XG: variants seen among roughly 807,000 people sequenced by gnomAD.
XG encodes Xg glycoprotein (Xg blood group), also known as glycoprotein Xg.
XG carries 24 observed loss-of-function variants against 25.7 expected under a neutral mutation model. The ratio of observed to expected loss-of-function variants is 0.93; its 90% CI spans 0.68 to 1.31. The LOEUF (loss-of-function observed/expected upper bound fraction) is 1.31, where lower values mean the gene tolerates loss of function less well. Among genes scored for constraint, XG ranks in the 40% most tolerant of loss-of-function variants. The probability of loss-of-function intolerance (pLI) is 0.00; values close to 1 mark genes in which losing one functional copy is unlikely to be tolerated. For missense variants in XG, 181 were observed against 187.6 expected, an observed-to-expected ratio of 0.96 and a Z score of 0.21; for synonymous variants, 77 against 69.2, an observed-to-expected ratio of 1.11 and a Z score of -0.56.
intron 2 of XG, among the ~76,000 whole-genome samples, chrX:2,773,506 G>A (rs2050881482): frequency 1.4e-5 from 2 of 142,384 alleles, no homozygotes; most frequent in Non-Finnish European, 3.1e-5. Flanking sequence ...AAGGAGAGAA[G>A]GAAGGAAGGA....
In XG at chrX:2,782,089, C is replaced by T. The variant is rs1434155030; in HGVS notation, c.151C>T (p.Pro51Ser). The change falls in exon 4 of 11, where the codon CCT (proline) becomes TCT (serine). Residue 51 changes from proline to serine, a missense_variant. Transcript: ENST00000644266. ...AGATATCTACCCAAAGCCAAAACCA[C>T]CTTACTACCCACAGCCCGAGAATCC... ...NSDIYPKPKP[P>S]YYPQPENPDS... The T allele has an allele frequency of 1.7e-6, 2 of 1,211,820 alleles. No individual in the cohort carries two copies. The highest frequency in any genetic ancestry group is 1.1e-6 in the Non-Finnish European group (1 of 895,492).
chrX:2,774,691 A>T (rs1380795324), intron 2 of XG, 25 bp from the exon 3 acceptor site: 2 of 1,613,746 alleles, frequency 1.2e-6, no homozygotes, highest in South Asian at 2.2e-5. Context: ...TGCATATTGC[A>T]TTTATTTTCT....
intron 1 of XG, among the ~76,000 whole-genome samples, chrX:2,764,301 G>A (rs1309461577): frequency 2.0e-5 from 3 of 152,156 alleles, no homozygotes; most frequent in Non-Finnish European, 2.9e-5. Flanking sequence ...GGGCTGCTCC[G>A]TCTATGGAGG....
intron 5 of XG, among the ~76,000 whole-genome samples, chrX:2,790,662 G>C (rs1005069841): frequency 1.8e-5 from 2 of 111,199 alleles, no homozygotes; most frequent in Non-Finnish European, 3.8e-5. Flanking sequence ...TAGCTGGGCA[G>C]AGTGACGCGT....
Position 2,758,550 on chromosome X carries a change from T to A in XG, c.61+6215T>A, listed in dbSNP as rs34277863. On this transcript the variant is annotated intron_variant, in intron 1 of 10. Coordinates refer to ENST00000644266, the MANE Select transcript of XG (RefSeq NM_001141919.2). Reference sequence around the variant, plus strand: ...ATTCGGTGATGTGTCATTCACTCTATGCAGGCCCAAGGTGACACCCCCAGA... The same window carrying A: ...ATTCGGTGATGTGTCATTCACTCTAAGCAGGCCCAAGGTGACACCCCCAGA... Among the ~76,000 whole-genome samples, 362 of 152,362 alleles carry A rather than the reference T, an allele frequency of 2.4e-3. 1 individual carries two copies. Among genetic ancestry groups the A allele is most frequent in the Non-Finnish European group, 3.3e-3 (227 of 68,028 alleles).
chrX:2,773,502 A>AGAAGGAAGGAAGGAGC (rs2050880780), intron 2 of XG, among the ~76,000 whole-genome samples: 1 of 126,478 alleles, frequency 7.9e-6, no homozygotes, highest in Non-Finnish European at 1.7e-5. Flanking sequence ...AAGGAAGGAG[A>AGAAGGAAGGAAGGAGC]GAAGGAAGGA....
At chrX:2,813,929 AAC>A (rs2087080616) in intron 10 of XG, among the ~76,000 whole-genome samples, 1 of 112,631 alleles carries the variant, frequency 8.9e-6, no homozygotes, top group Non-Finnish European at 1.9e-5. Context: ...ATATGATTTT[AAC>A]AGTTTTTAAA....
intron 4 of XG, among the ~76,000 whole-genome samples, chrX:2,788,337 A>G (rs1270467224): frequency 8.9e-6 from 1 of 112,487 alleles, no homozygotes; most frequent in Non-Finnish European, 1.9e-5. Context: ...TCCAGCGACA[A>G]AAAGGTGCTG....
At chrX:2,780,728 AAGAAG>A (rs1354685076) in intron 3 of XG, among the ~76,000 whole-genome samples, 2 of 149,932 alleles carry the variant, frequency 1.3e-5, no homozygotes, top group African/African-American at 2.5e-5. Context: ...AAAAAAAAAA[AAGAAG>A]AAGTATATTG....
Position 2,815,554 on chromosome X carries a change from A to T in XG, c.*1174A>T, listed in dbSNP as rs1170549352. The T allele has an allele frequency of 9.0e-6, 1 of 111,535 alleles. No homozygotes were observed. The highest frequency in any genetic ancestry group is 9.6e-5 in the Admixed American group (1 of 10,427). 9.2% of individuals were successfully genotyped at this position (111,535 alleles called of 1,213,427 possible). ...TTGAAAGGGCTCCCCGGTTTGTAAA[A>T]TATCTTTAATCATTCACATTAGGTA... On this transcript the variant is annotated 3_prime_UTR_variant, in exon 11 of 11. Transcript: ENST00000644266.
At position 2,775,866 on chromosome X, in the gene XG, G is replaced by A. The variant is rs191334824; in HGVS notation, c.127+1127G>A. 2.6e-3 allele frequency among the ~76,000 whole-genome samples: 382 copies of A among 148,672 alleles called. 3 individuals carry two copies. The highest frequency in any genetic ancestry group is 9.0e-3 in the African/African-American group (362 of 40,092). ...AGCTACTCGGGAGGCTGAGGCAAGAGAATCACTTGAACCCGGGAGGTGGAG... is the reference window on the plus strand; with the variant it reads ...AGCTACTCGGGAGGCTGAGGCAAGAAAATCACTTGAACCCGGGAGGTGGAG... On this transcript the variant is annotated intron_variant, in intron 3 of 10. Coordinates refer to ENST00000644266, the MANE Select transcript of XG (RefSeq NM_001141919.2).
At chrX:2,795,128 T>G (rs2086872108) in intron 6 of XG, among the ~76,000 whole-genome samples, 1 of 109,450 alleles carries the variant, frequency 9.1e-6, no homozygotes, top group Non-Finnish European at 1.9e-5. Flanking sequence ...TATATATGTA[T>G]ATCCTGACTT....
chrX:2,752,350 G>C lies in XG; in HGVS notation c.61+15G>C. 6.2e-7 allele frequency: 1 copy of C among 1,612,766 alleles called. No individual in the cohort carries two copies. Among genetic ancestry groups the C allele is most frequent in the Admixed American group, 1.7e-5 (1 of 60,000 alleles). On this transcript the variant is annotated intron_variant, in intron 1 of 10. Coordinates refer to ENST00000644266, the MANE Select transcript of XG (RefSeq NM_001141919.2). ...GCACGCCCGAGGTAAGAGGCATTTT[G>C]CTTTGAGGGAGATCTGCCTGGGCAT...
intron 2 of XG, among the ~76,000 whole-genome samples, chrX:2,773,554 GGAAGGAAGGAGA>G (rs2050888867): frequency 8.8e-6 from 1 of 113,464 alleles, no homozygotes; most frequent in African/African-American, 3.4e-5. Flanking sequence ...AAGGAGAGAA[GGAAGGAAGGAGA>G]GAAGGAAGGA....
chrX:2,777,989 C>A (rs1375849357), intron 3 of XG, among the ~76,000 whole-genome samples: 11 of 152,104 alleles, frequency 7.2e-5, no homozygotes, highest in African/African-American at 9.7e-5. Context: ...AAAAAAAATG[C>A]GCAAAGCAAA....
chrX:2,754,694 T>C (rs111363358), intron 1 of XG, among the ~76,000 whole-genome samples: 2,109 of 152,298 alleles, frequency 0.014, 41 homozygotes, highest in African/African-American at 0.046. Context: ...TGGAGTCTGA[T>C]GTTCCAGCAT....
chrX:2,764,560 C>G (rs940205805), intron 1 of XG, among the ~76,000 whole-genome samples: 1 of 151,970 alleles, frequency 6.6e-6, no homozygotes, highest in African/African-American at 2.4e-5. Flanking sequence ...CAAGATTTGT[C>G]CTTCTCGGGG....
Position 2,778,558 on chromosome X carries a change from AAAG to A in XG, c.128-3502_128-3500del, listed in dbSNP as rs1180407487. 3.9e-5 allele frequency among the ~76,000 whole-genome samples: 6 copies of A among 152,102 alleles called. No homozygotes were observed. In the South Asian group the frequency reaches 8.3e-4, roughly 21 times the overall value. ...CCCTGTCTCAAAAGAAAAGAAAAAA[AAAG>A]AAGAAAGAAATGAAAACCGTAGCTC... On this transcript the variant is annotated intron_variant, in intron 3 of 10. Transcript: ENST00000644266.
intron 4 of XG, among the ~76,000 whole-genome samples, chrX:2,786,260 C>CTTTTTTCTTTTTTTTTTT (rs2086782625): frequency 1.7e-5 from 1 of 60,571 alleles, no homozygotes; most frequent in Admixed American, 2.6e-4. Context: ...TCCATGTTGT[C>CTTTTTTCTTTTTTTTTTT]TTTTTTTTTT....
Sources: gnomAD v4.1 joint callset for allele counts (sites outside exome capture counted in the v4.1 genomes callset) on GRCh38, gnomAD v4.1.1 for gene constraint, MANE v1.5 for transcripts, NCBI Gene and HGNC (gene_info 2026-07-23, HGNC 2026-07-21) for gene names.